Variants in BRD10 observed in about 807,000 individuals in gnomAD.
BRD10 encodes the protein uncharacterized bromodomain-containing protein 10.
chr9:5,950,322 T>G, the BRD10 span, among the ~76,000 whole-genome samples: 1 of 152,174 alleles, frequency 6.6e-6, no homozygotes, highest in Admixed American at 6.5e-5. Context: ...ACCTGCTTAT[T>G]TGAAAACAAT....
the BRD10 span, among the ~76,000 whole-genome samples, chr9:5,975,190 C>T: frequency 7.9e-5 from 12 of 151,316 alleles, no homozygotes; most frequent in Non-Finnish European, 1.0e-4. Context: ...AATCCCAGCA[C>T]TTTGGGAGGC....
the BRD10 span, among the ~76,000 whole-genome samples, chr9:5,962,092 T>C: frequency 6.6e-6 from 1 of 152,206 alleles, no homozygotes; most frequent in Non-Finnish European, 1.5e-5. Flanking sequence ...TTTGGATCTT[T>C]CCTGCTTTCT....
chr9:6,007,804 G>A, the BRD10 span: 1 of 1,481,708 alleles, frequency 6.7e-7, no homozygotes, highest in Non-Finnish European at 8.9e-7. Context: ...GCAGGCCTAG[G>A]CTGGGCGGTG....
the BRD10 span, chr9:5,921,382 T>C: frequency 3.7e-6 from 6 of 1,614,024 alleles, no homozygotes; most frequent in South Asian, 5.5e-5. Context: ...TCTTAACATA[T>C]GCTTTATGCA....
the BRD10 span, among the ~76,000 whole-genome samples, chr9:5,888,447 C>A: frequency 6.6e-6 from 1 of 152,170 alleles, no homozygotes; most frequent in Non-Finnish European, 1.5e-5. Flanking sequence ...ATCACTTGTT[C>A]TTTGTTGTAT....
chr9:5,920,541 T>C, the BRD10 span: 1 of 1,614,030 alleles, frequency 6.2e-7, no homozygotes, highest in Non-Finnish European at 8.5e-7. Flanking sequence ...TTAGTTATTT[T>C]ACCTGGACTT....
At chr9:5,966,055 A>G in the BRD10 span, among the ~76,000 whole-genome samples, 1 of 152,244 alleles carries the variant, frequency 6.6e-6, no homozygotes, top group Non-Finnish European at 1.5e-5. Flanking sequence ...ACCAGATCCA[A>G]ACATTTTTGT....
At chr9:5,928,055 A>G in the BRD10 span, among the ~76,000 whole-genome samples, 1 of 152,018 alleles carries the variant, frequency 6.6e-6, no homozygotes, top group Admixed American at 6.6e-5. Context: ...CTACCTCTCA[A>G]ATTTGCTACT....
chr9:5,937,006 T>C, the BRD10 span, among the ~76,000 whole-genome samples: 1 of 151,242 alleles, frequency 6.6e-6, no homozygotes, highest in South Asian at 2.1e-4. Context: ...CTGAGGTGGG[T>C]GGATCACAAG....
At chr9:5,919,045 G>T in the BRD10 span, 1 of 152,528 alleles carries the variant, frequency 6.6e-6, no homozygotes, top group Non-Finnish European at 1.5e-5. Context: ...TTTATTACAT[G>T]CAGATTCTTC....
At chr9:5,880,581 T>C in the BRD10 span, among the ~76,000 whole-genome samples, 1 of 152,066 alleles carries the variant, frequency 6.6e-6, no homozygotes, top group African/African-American at 2.4e-5. Context: ...TCTTAAAAAG[T>C]CTGAATTAGT....
At chr9:5,948,155 T>A in the BRD10 span, among the ~76,000 whole-genome samples, 1 of 152,164 alleles carries the variant, frequency 6.6e-6, no homozygotes, top group Non-Finnish European at 1.5e-5. Flanking sequence ...TGAAAGGGAC[T>A]AAAAATGTGT....
chr9:5,992,337 C>G, the BRD10 span, among the ~76,000 whole-genome samples: 1 of 152,136 alleles, frequency 6.6e-6, no homozygotes. Flanking sequence ...TTTAAATTCA[C>G]ACACATAATT....
the BRD10 span, chr9:5,921,818 G>A: frequency 1.2e-6 from 2 of 1,613,826 alleles, no homozygotes; most frequent in East Asian, 4.5e-5. Flanking sequence ...GGGAGAAGAG[G>A]GCATGTGTGA....
At chr9:6,000,412 C>A in the BRD10 span, among the ~76,000 whole-genome samples, 2 of 152,098 alleles carry the variant, frequency 1.3e-5, no homozygotes, top group African/African-American at 4.8e-5. Context: ...CAACTCTCAT[C>A]TTACAGAGAC....
the BRD10 span, among the ~76,000 whole-genome samples, chr9:5,971,565 G>T: frequency 1.3e-5 from 2 of 152,026 alleles, no homozygotes. Flanking sequence ...ATCACAACTT[G>T]CTCTTTTATA....
the BRD10 span, among the ~76,000 whole-genome samples, chr9:5,895,702 C>T: frequency 6.6e-6 from 1 of 152,114 alleles, no homozygotes; most frequent in African/African-American, 2.4e-5. Context: ...TTGGGTAGGC[C>T]AGGGGTGGAG....
At chr9:5,917,103 G>A in the BRD10 span, among the ~76,000 whole-genome samples, 2 of 152,200 alleles carry the variant, frequency 1.3e-5, no homozygotes, top group African/African-American at 4.8e-5. Flanking sequence ...AATATACATT[G>A]AATACAGTGT....
chr9:5,962,258 C>T, the BRD10 span, among the ~76,000 whole-genome samples: 1 of 147,172 alleles, frequency 6.8e-6, no homozygotes, highest in African/African-American at 2.5e-5. Context: ...TACAAACTAC[C>T]ATCAGAGAAT....
Sources: allele counts gnomAD v4.1 joint callset (sites outside exome capture counted in the v4.1 genomes callset), GRCh38; gene constraint gnomAD v4.1.1; transcripts MANE v1.5; gene names NCBI Gene and HGNC (gene_info 2026-07-23, HGNC 2026-07-21).